The following GRIN3A variants were observed in gnomAD, a reference collection of about 807,000 sequenced individuals.
The protein encoded by GRIN3A is glutamate receptor ionotropic, NMDA 3A.
GRIN3A carries 47 observed loss-of-function variants against 92.4 expected under a neutral mutation model. That is an observed-to-expected ratio of 0.51 (90% CI 0.40 to 0.65). The LOEUF is 0.65. Among genes scored for constraint, GRIN3A ranks in the 30% least tolerant of loss-of-function variants. GRIN3A has a pLI of 0.00. For missense variants in GRIN3A, 1,324 were observed against 1,393.1 expected (o/e 0.95, Z 0.79); for synonymous variants, 527 against 540.6 (o/e 0.97, Z 0.35).
At chr9:101,687,535 C>CAA in intron 1 of GRIN3A, among the ~76,000 whole-genome samples, 1 of 152,146 alleles carries the variant, frequency 6.6e-6, no homozygotes, top group East Asian at 1.9e-4. Context: ...CTTCCCATTT[C>CAA]TTGGTATTGC....
At position 101,670,852 on chromosome 9, in the gene GRIN3A, C is replaced by A; in HGVS notation, c.1560G>T (p.Leu520=). ...PSKLHLRVVT[L]IEHPFVFTRE... is the part of the protein sequence containing the mutation. ...TTGTGAAGACAAAAGGATGCTCAAT[C>A]AGGGTAACCACTCTCAAGTGTAGCT... Residue 520 remains leucine (L), a synonymous_variant, in exon 3 of 9, where the codon CTG becomes CTT. Coordinates refer to ENST00000361820, the MANE Select transcript of GRIN3A (RefSeq NM_133445.3). 6.2e-7 allele frequency: 1 copy of A among 1,613,776 alleles called. No homozygotes were observed. Among genetic ancestry groups the A allele is most frequent in the Non-Finnish European group, 8.5e-7 (1 of 1,179,804 alleles).
At chr9:101,656,552 C>T (rs1829090837) in intron 3 of GRIN3A, among the ~76,000 whole-genome samples, 1 of 151,872 alleles carries the variant, frequency 6.6e-6, no homozygotes, top group Non-Finnish European at 1.5e-5. Flanking sequence ...TATAGCTTTG[C>T]TTCTCTGATT....
intron 8 of GRIN3A, 115 bp from the exon 9 acceptor site, chr9:101,573,628 T>C: frequency 1.2e-6 from 1 of 839,292 alleles, no homozygotes; most frequent in Non-Finnish European, 2.0e-6. Context: ...CATTTAGAGA[T>C]GAAGTAACAA....
chr9:101,598,987 A>G (rs1038649856), intron 6 of GRIN3A, among the ~76,000 whole-genome samples: 13 of 152,180 alleles, frequency 8.5e-5, no homozygotes, highest in African/African-American at 3.1e-4. Flanking sequence ...GAAAACTCTT[A>G]GCTGTATTTC....
At chr9:101,680,809 A>T (rs1829457637) in intron 2 of GRIN3A, among the ~76,000 whole-genome samples, 1 of 152,222 alleles carries the variant, frequency 6.6e-6, no homozygotes, top group African/African-American at 2.4e-5. Flanking sequence ...ATGTGAACAA[A>T]GGAACGAATT....
At chr9:101,704,112 G>A (rs1406232810) in intron 1 of GRIN3A, among the ~76,000 whole-genome samples, 1 of 152,056 alleles carries the variant, frequency 6.6e-6, no homozygotes, top group Non-Finnish European at 1.5e-5. Context: ...GCAGCTTGCT[G>A]CTTTAGTTAA....
chr9:101,654,484 TGTCTA>T (rs1378110607), intron 3 of GRIN3A, among the ~76,000 whole-genome samples: 1 of 151,780 alleles, frequency 6.6e-6, no homozygotes, highest in Admixed American at 6.6e-5. Flanking sequence ...TTCTTGTTGA[TGTCTA>T]GTCTATGTTA....
intron 6 of GRIN3A, among the ~76,000 whole-genome samples, chr9:101,596,745 C>A (rs978050566): frequency 6.6e-6 from 1 of 152,202 alleles, no homozygotes; most frequent in African/African-American, 2.4e-5. Flanking sequence ...GAATCTACCT[C>A]TAAGAAGCTT....
intron 5 of GRIN3A, among the ~76,000 whole-genome samples, chr9:101,617,278 C>T (rs1828473745): frequency 2.0e-5 from 3 of 149,614 alleles, no homozygotes; most frequent in Admixed American, 2.0e-4. Context: ...TGAAAGATGG[C>T]ATCTTGAATT....
chr9:101,650,879 A>C (rs1313210526), intron 3 of GRIN3A, among the ~76,000 whole-genome samples: 1 of 151,964 alleles, frequency 6.6e-6, no homozygotes, highest in African/African-American at 2.4e-5. Flanking sequence ...TTATTTCTTT[A>C]AAACTCAGTA....
At chr9:101,649,302 T>C (rs1264097226) in intron 3 of GRIN3A, among the ~76,000 whole-genome samples, 1 of 151,884 alleles carries the variant, frequency 6.6e-6, no homozygotes, top group Non-Finnish European at 1.5e-5. Flanking sequence ...TGCAGCACGG[T>C]AGCATCAGCC....
intron 6 of GRIN3A, among the ~76,000 whole-genome samples, chr9:101,605,830 T>C (rs1218297400): frequency 6.6e-6 from 1 of 152,222 alleles, no homozygotes; most frequent in Non-Finnish European, 1.5e-5. Flanking sequence ...GGTTAGAGCT[T>C]TCACTCTAAT....
At chr9:101,629,609 T>C (rs1195656209) in intron 3 of GRIN3A, among the ~76,000 whole-genome samples, 4 of 152,234 alleles carry the variant, frequency 2.6e-5, no homozygotes, top group African/African-American at 9.6e-5. Context: ...AATTGTTCCA[T>C]GCACTGAACA....
In GRIN3A at chr9:101,670,687, G is replaced by A. The variant is rs768073159; in HGVS notation, c.1725C>T (p.Cys575=). Residue 575 remains cysteine (C), a synonymous_variant, in exon 3 of 9, where the codon TGC becomes TGT. Transcript: ENST00000361820. ...NDTVPIKFKK[C]CYGYCIDLLE... ...GCAGATCAATGCAATATCCATAGCA[G>A]CACTTCTTGAATTTAATGGGCACTG... 2.4e-5 allele frequency: 38 copies of A among 1,614,016 alleles called. No individual in the cohort carries two copies. The highest frequency in any genetic ancestry group is 1.6e-4 in the South Asian group (15 of 91,088).
At chr9:101,661,008 T>C (rs1231943886) in intron 3 of GRIN3A, among the ~76,000 whole-genome samples, 1 of 151,858 alleles carries the variant, frequency 6.6e-6, no homozygotes, top group Non-Finnish European at 1.5e-5. Context: ...AACAAACAGA[T>C]TGCATGACAA....
In GRIN3A at chr9:101,738,026, C is replaced by T. The variant is rs1490756148; in HGVS notation, c.-47G>A. On this transcript the variant is annotated 5_prime_UTR_variant, in exon 1 of 9. Transcript: ENST00000361820. ...AGCGCGCCCCCTCCTGCGCCCGGCT[C>T]GCCCCTCTGCAGCCGCTGCCTGAGG... 26 of 1,483,260 alleles carry T rather than the reference C, an allele frequency of 1.8e-5. No homozygotes were observed. Among genetic ancestry groups the T allele is most frequent in the South Asian group, 2.4e-5 (2 of 82,872 alleles). 91.9% of individuals were successfully genotyped at this position (1,483,260 alleles called of 1,614,324 possible).
chr9:101,715,785 T>C (rs762833049), intron 1 of GRIN3A, among the ~76,000 whole-genome samples: 19 of 152,098 alleles, frequency 1.2e-4, no homozygotes, highest in Non-Finnish European at 2.6e-4. Context: ...AACAGTGTAA[T>C]AGACCCTTGA....
At chr9:101,608,064 C>T (rs1237486134) in intron 6 of GRIN3A, among the ~76,000 whole-genome samples, 1 of 152,164 alleles carries the variant, frequency 6.6e-6, no homozygotes, top group Non-Finnish European at 1.5e-5. Flanking sequence ...TAAATGTACC[C>T]AGGTAAGCAT....
At chr9:101,612,282 A>G (rs1409943390) in intron 6 of GRIN3A, among the ~76,000 whole-genome samples, 1 of 152,334 alleles carries the variant, frequency 6.6e-6, no homozygotes, top group Non-Finnish European at 1.5e-5. Context: ...TGGCTTGTTG[A>G]TGAATGTGGA....
Sources: gnomAD v4.1 joint callset for allele counts (sites outside exome capture counted in the v4.1 genomes callset) on GRCh38, gnomAD v4.1.1 for gene constraint, MANE v1.5 for transcripts, NCBI Gene and HGNC (gene_info 2026-07-23, HGNC 2026-07-21) for gene names.